Variants in LMO7 observed in about 807,000 individuals in gnomAD.
LMO7 encodes the protein LIM domain 7, also known as LIM domain only protein 7.
Under a neutral mutation model 206.5 loss-of-function variants are expected in LMO7, and 120 were observed. The ratio of observed to expected loss-of-function variants is 0.58; its 90% CI spans 0.50 to 0.68. LMO7 has a LOEUF of 0.68. Ranked by LOEUF, LMO7 falls within the 30% of genes least tolerant of loss-of-function variation. The pLI, the probability that LMO7 is intolerant of heterozygous loss-of-function variation, is 0.00. For synonymous variants in LMO7, 706 were observed against 681.5 expected, an observed-to-expected ratio of 1.04 and a Z score of -0.56; for missense variants, 1,959 against 1,957.9, an observed-to-expected ratio of 1.00 and a Z score of -0.01.
At chr13:75,790,733 G>T (rs1185221437) in intron 4 of LMO7, among the ~76,000 whole-genome samples, 2 of 152,084 alleles carry the variant, frequency 1.3e-5, no homozygotes, top group Admixed American at 6.5e-5. Context: ...GGGCTCCCTT[G>T]TTCTTACTCT....
At chr13:75,636,804 A>C in intron 1 of LMO7, 78 bp downstream of exon 1, 1 of 1,385,796 alleles carries the variant, frequency 7.2e-7, no homozygotes. Flanking sequence ...CTGCAGCCCC[A>C]GTCACTCTGC....
rs143245341 is a variant in LMO7, at chr13:75,658,444, C to A, written c.69+21718C>A. ...GCCCATCTGTGAATAGAGCATATTT[C>A]TTTATTTTCCAATTCTTCTTTAATA... On this transcript the variant is annotated intron_variant, in intron 1 of 30. Transcript: ENST00000377534. Among the ~76,000 whole-genome samples the A allele has an allele frequency of 7.9e-5, 12 of 152,016 alleles. No individual in the cohort carries two copies. The East Asian group carries it at 2.3e-3, about 29-fold the overall frequency.
At chr13:75,643,665 G>T (rs2036764705) in intron 1 of LMO7, among the ~76,000 whole-genome samples, 1 of 152,184 alleles carries the variant, frequency 6.6e-6, no homozygotes, top group Admixed American at 6.5e-5. Flanking sequence ...TTGAAAACAT[G>T]TTTGATGTAG....
rs112469186 is a variant in LMO7, at chr13:75,723,991, A to G, written c.141-3038A>G. Among the ~76,000 whole-genome samples the G allele has an allele frequency of 2.7e-3, 412 of 152,218 alleles. 3 individuals carry two copies. Among genetic ancestry groups the G allele is most frequent in the African/African-American group, 9.7e-3 (404 of 41,544 alleles). On this transcript the variant is annotated intron_variant, in intron 2 of 30. Coordinates refer to ENST00000377534, the MANE Select transcript of LMO7 (RefSeq NM_001306080.2). ...GCAACCTCTTGTTGTGGAAGGGGCA[A>G]GGCAGCTTTCAGGAGCCTCTTTTAT...
intron 1 of LMO7, among the ~76,000 whole-genome samples, chr13:75,696,841 C>A (rs959155239): frequency 6.6e-6 from 1 of 152,128 alleles, no homozygotes; most frequent in East Asian, 1.9e-4. Context: ...TTGGGGTGGA[C>A]TGAGCCGAGG....
At chr13:75,685,978 C>G (rs921837296) in intron 1 of LMO7, among the ~76,000 whole-genome samples, 1 of 148,412 alleles carries the variant, frequency 6.7e-6, no homozygotes, top group Non-Finnish European at 1.5e-5. Flanking sequence ...GCCTTGATCT[C>G]CAGGACTCAA....
intron 3 of LMO7, among the ~76,000 whole-genome samples, chr13:75,741,421 A>G (rs2046404869): frequency 6.6e-6 from 1 of 152,240 alleles, no homozygotes; most frequent in African/African-American, 2.4e-5. Flanking sequence ...GTTTACACTG[A>G]TGTTTTCAAA....
At chr13:75,691,023 T>A (rs879825969) in intron 1 of LMO7, among the ~76,000 whole-genome samples, 6 of 152,156 alleles carry the variant, frequency 3.9e-5, no homozygotes, top group Admixed American at 1.3e-4. Flanking sequence ...GATATGTATA[T>A]GTATTCATAC....
chr13:75,632,892 G>A (rs1384027736), upstream of LMO7, among the ~76,000 whole-genome samples: 6 of 68,610 alleles, frequency 8.7e-5, no homozygotes, highest in Non-Finnish European at 1.8e-4. Flanking sequence ...ATGGAGTCTC[G>A]TTCTGTTGCC....
rs146182071 is a variant in LMO7 at position 75,663,243 on chromosome 13, T to G, written c.69+26517T>G. 4.8e-3 allele frequency among the ~76,000 whole-genome samples: 726 copies of G among 151,946 alleles called. 3 individuals carry two copies. The highest frequency in any genetic ancestry group is 0.017 in the African/African-American group (703 of 41,534). ...TTATCTAGTCTTTTTTTCTTGAAAT[T>G]CATTCCATTCTTTTCCCTGTGTGAG... On this transcript the variant is annotated intron_variant, in intron 1 of 30. Coordinates refer to ENST00000377534, the MANE Select transcript of LMO7 (RefSeq NM_001306080.2).
intron 26 of LMO7, among the ~76,000 whole-genome samples, chr13:75,848,444 T>TATCTATCA (rs2060179982): frequency 6.6e-6 from 1 of 151,900 alleles, no homozygotes; most frequent in Non-Finnish European, 1.5e-5. Context: ...TCTATCTATC[T>TATCTATCA]ATCTATCTAT....
At chr13:75,800,972 G>A in intron 7 of LMO7, 90 bp downstream of exon 7, 1 of 1,226,890 alleles carries the variant, frequency 8.2e-7, no homozygotes, top group Non-Finnish European at 1.2e-6. Context: ...GCAAAAACTA[G>A]GCAAAAATTT....
chr13:75,717,803 G>A (rs553576986), intron 2 of LMO7, among the ~76,000 whole-genome samples: 17 of 152,318 alleles, frequency 1.1e-4, no homozygotes, highest in African/African-American at 4.1e-4. Flanking sequence ...GAAGCCCAGA[G>A]GCTTTCATGT....
At chr13:75,855,506 A>G in intron 29 of LMO7, 138 bp downstream of exon 29, 1 of 507,380 alleles carries the variant, frequency 2.0e-6, no homozygotes. Context: ...TTTGAGTCAC[A>G]AATTGCTTGC....
At chr13:75,634,388 T>C (rs990434665), upstream of LMO7, among the ~76,000 whole-genome samples, 1 of 151,730 alleles carries the variant, frequency 6.6e-6, no homozygotes, top group African/African-American at 2.4e-5. Context: ...CGGGGAGCTA[T>C]GATGGCGCAA....
At chr13:75,669,567 G>A (rs1438698921) in intron 1 of LMO7, among the ~76,000 whole-genome samples, 1 of 152,072 alleles carries the variant, frequency 6.6e-6, no homozygotes, top group East Asian at 1.9e-4. Context: ...CATGATAGAG[G>A]GGAATAAAAT....
intron 1 of LMO7, among the ~76,000 whole-genome samples, chr13:75,637,311 A>G (rs979409923): frequency 6.6e-6 from 1 of 151,776 alleles, no homozygotes; most frequent in Non-Finnish European, 1.5e-5. Context: ...GTGCTTTTTC[A>G]TTTTCGGCTT....
chr13:75,715,738 G>A (rs1416354533), intron 2 of LMO7, among the ~76,000 whole-genome samples: 4 of 152,180 alleles, frequency 2.6e-5, no homozygotes, highest in African/African-American at 9.7e-5. Context: ...ACCATATTTA[G>A]TATGAAACCT....
intron 4 of LMO7, among the ~76,000 whole-genome samples, chr13:75,791,461 C>T (rs1440309036): frequency 6.6e-6 from 1 of 152,158 alleles, no homozygotes; most frequent in Non-Finnish European, 1.5e-5. Context: ...TGCTAATTTA[C>T]ATTTCTATAG....
Sources: allele counts gnomAD v4.1 joint callset (sites outside exome capture counted in the v4.1 genomes callset), GRCh38; gene constraint gnomAD v4.1.1; transcripts MANE v1.5; gene names NCBI Gene and HGNC (gene_info 2026-07-23, HGNC 2026-07-21).